Variants in DNAH14 observed in about 807,000 individuals in gnomAD.
DNAH14 encodes the protein axonemal beta dynein heavy chain 14.
A neutral mutation model predicts 520.9 loss-of-function variants in DNAH14; 478 were observed. That is an observed-to-expected ratio of 0.92 (90% confidence interval 0.85 to 0.99). DNAH14 has a LOEUF of 0.99. Ranked by LOEUF, DNAH14 falls within the 50% of genes least tolerant of loss-of-function variation. The pLI, the probability that DNAH14 is intolerant of heterozygous loss-of-function variation, is 0.00. For missense variants in DNAH14, 4,831 were observed against 5,234.5 expected (o/e 0.92, Z 2.38); for synonymous variants, 1,581 against 1,757.2 (o/e 0.90, Z 2.51).
chr1:225,344,655 G>A (rs2095257638), intron 69 of DNAH14, among the ~76,000 whole-genome samples: 1 of 151,858 alleles, frequency 6.6e-6, no homozygotes, highest in African/African-American at 2.4e-5. Context: ...TTGATTACAT[G>A]CCTTAGCTAT....
chr1:225,109,309 G>A (rs150318608), intron 23 of DNAH14, among the ~76,000 whole-genome samples: 121 of 152,026 alleles, frequency 8.0e-4, no homozygotes, highest in Non-Finnish European at 1.4e-3. Context: ...TTGAGTAGTG[G>A]GGACATTTTA....
chr1:225,215,723 CTT>C (rs1441013569), intron 41 of DNAH14, among the ~76,000 whole-genome samples: 1 of 151,778 alleles, frequency 6.6e-6, no homozygotes, highest in Non-Finnish European at 1.5e-5. Context: ...GCAACCCTGC[CTT>C]TTTTTAACTT....
At chr1:224,996,638 C>A (rs1392613582) in intron 8 of DNAH14, among the ~76,000 whole-genome samples, 1 of 152,072 alleles carries the variant, frequency 6.6e-6, no homozygotes, top group African/African-American at 2.4e-5. Context: ...TCTGGTGAGA[C>A]CCCGACTGAG....
intron 41 of DNAH14, among the ~76,000 whole-genome samples, chr1:225,226,530 G>C (rs889320202): frequency 1.3e-5 from 2 of 152,166 alleles, no homozygotes; most frequent in Non-Finnish European, 2.9e-5. Flanking sequence ...TGGGAGGTCT[G>C]TCACGGAGGA....
At chr1:224,948,054 C>T (rs1038313450) in intron 1 of DNAH14, among the ~76,000 whole-genome samples, 1 of 151,880 alleles carries the variant, frequency 6.6e-6, no homozygotes, top group Admixed American at 6.6e-5. Flanking sequence ...TTAAATTGGA[C>T]TGTTAAAATC....
chr1:225,370,716 G>A (rs558704680), intron 77 of DNAH14, among the ~76,000 whole-genome samples: 40 of 151,754 alleles, frequency 2.6e-4, no homozygotes, highest in African/African-American at 9.7e-4. Context: ...GAAAATAAAA[G>A]CTAATAAAGG....
intron 10 of DNAH14, among the ~76,000 whole-genome samples, chr1:225,013,954 G>A (rs947041771): frequency 7.9e-5 from 12 of 152,080 alleles, no homozygotes; most frequent in Non-Finnish European, 1.3e-4. Flanking sequence ...CCCTTTCTAG[G>A]GGAGTGAATG....
rs943925544 is a variant in DNAH14, at chr1:224,936,770, G to A, written c.-34+6935G>A. Among the ~76,000 whole-genome samples, 3 of 151,906 alleles carry A rather than the reference G, an allele frequency of 2.0e-5. No individual in the cohort carries two copies. The East Asian group carries it at 5.8e-4, about 29-fold the overall frequency. The stretch of plus-strand genomic sequence containing the variant: ...AACCAGAGAAGAACACACAAAAAAG[G>A]AAAACTATACGCAAGTATCACTGAT... On this transcript the variant is annotated intron_variant, in intron 1 of 85. Coordinates refer to ENST00000682510, the MANE Select transcript of DNAH14 (RefSeq NM_001367479.1).
At chr1:225,057,529 T>G (rs7516413) in intron 17 of DNAH14, among the ~76,000 whole-genome samples, 152,023 of 152,144 alleles carry the variant, frequency 1, 75,951 homozygotes, top group Middle Eastern at 1. Flanking sequence ...TTTCCTTCTC[T>G]TGCCTGACTG....
intron 54 of DNAH14, among the ~76,000 whole-genome samples, chr1:225,289,374 A>G (rs60341891): frequency 0.036 from 5,527 of 152,270 alleles, 302 homozygotes; most frequent in African/African-American, 0.12. Flanking sequence ...CAAGGGTTGC[A>G]TAAGTCTGTA....
chr1:225,264,264 AT>A lies in DNAH14; in HGVS notation c.7222+4del. The A allele has an allele frequency of 6.5e-7, 1 of 1,547,620 alleles. No individual in the cohort carries two copies. Among genetic ancestry groups the A allele is most frequent in the East Asian group, 2.5e-5 (1 of 40,746 alleles). Reference sequence around the variant, plus strand: ...TAAGACAGCAACTGGAAGTTCAGGTATATATTATAGTACAGTTTCAAAGCTA... The same window carrying A: ...TAAGACAGCAACTGGAAGTTCAGGTAATATTATAGTACAGTTTCAAAGCTA... On this transcript the variant is annotated splice_donor_region_variant and intron_variant, in intron 47 of 85. Coordinates refer to ENST00000682510, the MANE Select transcript of DNAH14 (RefSeq NM_001367479.1).
intron 38 of DNAH14, among the ~76,000 whole-genome samples, chr1:225,200,546 A>C (rs773248528): frequency 3.3e-5 from 5 of 151,964 alleles, no homozygotes; most frequent in Non-Finnish European, 7.4e-5. Flanking sequence ...GTAGTGGTGA[A>C]TTCTCTCAGC....
At chr1:225,050,744 C>T (rs2449286) in intron 16 of DNAH14, among the ~76,000 whole-genome samples, 138,288 of 152,270 alleles carry the variant, frequency 0.91, 64,223 homozygotes, top group East Asian at 1. Context: ...TAAATAGTTA[C>T]GTCTTTGGTG....
chr1:225,017,013 A>G (rs1269872940), intron 10 of DNAH14, among the ~76,000 whole-genome samples: 1 of 151,856 alleles, frequency 6.6e-6, no homozygotes, highest in Non-Finnish European at 1.5e-5. Context: ...CCTAAGATTA[A>G]TATTTTGAAT....
chr1:224,946,041 C>T (rs1420217368), intron 1 of DNAH14, among the ~76,000 whole-genome samples: 1 of 152,236 alleles, frequency 6.6e-6, no homozygotes, highest in Non-Finnish European at 1.5e-5. Context: ...TTTAAGTCTG[C>T]AGAGGTTTCT....
chr1:225,391,147 GC>G (rs2095906033), intron 83 of DNAH14, among the ~76,000 whole-genome samples: 1 of 152,188 alleles, frequency 6.6e-6, no homozygotes, highest in Admixed American at 6.5e-5. Flanking sequence ...GGCACGGCTG[GC>G]CCCCAGGGCT....
At chr1:225,333,138 T>A (rs1419421533) in intron 65 of DNAH14, among the ~76,000 whole-genome samples, 153 bp from the exon 66 acceptor site, 1 of 152,216 alleles carries the variant, frequency 6.6e-6, no homozygotes, top group Non-Finnish European at 1.5e-5. Flanking sequence ...AGTTTATTTT[T>A]CAATATTATC....
In DNAH14 at chr1:225,082,697, G is replaced by A. The variant is rs879175180; in HGVS notation, c.3285G>A (p.Pro1095=). The A allele has an allele frequency of 1.3e-5, 20 of 1,550,988 alleles. No individual in the cohort carries two copies. Among genetic ancestry groups the A allele is most frequent in the Admixed American group, 9.8e-5 (5 of 50,840 alleles). Residue 1095 remains proline, a synonymous_variant, in exon 20 of 86, where the codon CCG becomes CCA. Transcript: ENST00000682510. ...AGGAGATTATTGGGAAGTCAGTTCC[G>A]CTTGATAAAAACTGTAAAGTAGAGA... ...ALQEIIGKSV[P]LDKNCKVENL...
At chr1:225,369,960 CG>C (rs1220145037) in intron 77 of DNAH14, among the ~76,000 whole-genome samples, 1 of 151,942 alleles carries the variant, frequency 6.6e-6, no homozygotes, top group Non-Finnish European at 1.5e-5. Context: ...GTAAGGTGGG[CG>C]GATCACCTGA....
Sources: gnomAD v4.1 joint callset for allele counts (sites outside exome capture counted in the v4.1 genomes callset) on GRCh38, gnomAD v4.1.1 for gene constraint, MANE v1.5 for transcripts, NCBI Gene and HGNC (gene_info 2026-07-23, HGNC 2026-07-21) for gene names.